CLUH: variants seen among roughly 807,000 people sequenced by gnomAD.
The protein encoded by CLUH is clustered mitochondria protein homolog.
A neutral mutation model predicts 139.3 loss-of-function variants in CLUH; 77 were observed. That is an observed-to-expected ratio of 0.55 (90% confidence interval 0.46 to 0.67). CLUH has a LOEUF of 0.67. Ranked by LOEUF, CLUH falls within the 30% of genes least tolerant of loss-of-function variation. The pLI, the probability that CLUH is intolerant of heterozygous loss-of-function variation, is 0.00. For synonymous variants in CLUH, 999 were observed against 801.6 expected, an observed-to-expected ratio of 1.25 and a Z score of -4.16; for missense variants, 1,876 against 1,875.8, an observed-to-expected ratio of 1.00 and a Z score of 0.00.
chr17:2,692,691 G>A lies in CLUH; in HGVS notation c.3318C>T (p.His1106=), dbSNP rs1029509804. The A allele has an allele frequency of 3.1e-6, 5 of 1,610,376 alleles. No individual in the cohort carries two copies. Among genetic ancestry groups the A allele is most frequent in the African/African-American group, 2.7e-5 (2 of 74,846 alleles). The stretch of plus-strand genomic sequence containing the variant: ...TGCTGGCGAAGCAGTACAGGGCCAG[G>A]TGCATCTGCGGGCGGGGCGGAGACA... ...EHPNTIQEYM[H]LALYCFASSQ... The change falls in exon 21 of 26, where the codon CAC becomes CAT. Residue 1106 remains histidine (H), a synonymous_variant. Transcript: ENST00000651024.
At chr17:2,702,530 G>T (rs1412906772) in intron 3 of CLUH, among the ~76,000 whole-genome samples, 1 of 152,210 alleles carries the variant, frequency 6.6e-6, no homozygotes, top group Non-Finnish European at 1.5e-5. Flanking sequence ...AGTTCTTTTG[G>T]TGGAGGGGAG....
chr17:2,690,531 T>G lies in CLUH; in HGVS notation c.*63A>C. 1 of 1,353,234 alleles carries G rather than the reference T, an allele frequency of 7.4e-7. No individual in the cohort carries two copies. The highest frequency in any genetic ancestry group is 9.6e-7 in the Non-Finnish European group (1 of 1,038,960). 83.8% of individuals were successfully genotyped at this position (1,353,234 alleles called of 1,614,324 possible). On this transcript the variant is annotated 3_prime_UTR_variant, in exon 26 of 26. Transcript: ENST00000651024. ...CTCTTCCGCCCGCAGGCTCGCCCCC[T>G]TCTCCCGCAGTCGGGCTCCCTGGTG... is the stretch of plus-strand genomic sequence containing the variant.
In CLUH at chr17:2,695,036, G is replaced by A. The variant is rs1425026839; in HGVS notation, c.2673C>T (p.Tyr891=). ...SHFLNCFLSS[Y]PNPVAHLPAD... is the part of the protein sequence containing the mutation. ...CGGGCAGGTGGGCCACGGGGTTTGG[G>A]TAGGAGCTCAGGAAGCAGTTCAGGA... Residue 891 remains tyrosine, a synonymous_variant, in exon 16 of 26, where the codon TAC becomes TAT. Transcript: ENST00000651024. 6.2e-7 allele frequency: 1 copy of A among 1,613,524 alleles called. No homozygotes were observed. Among genetic ancestry groups the A allele is most frequent in the South Asian group, 1.1e-5 (1 of 91,062 alleles).
Position 2,691,902 on chromosome 17 carries a change from G to T in CLUH, c.3655-7C>A. The stretch of plus-strand genomic sequence containing the variant: ...TCTCATGGTCCTCGCCCAGCTGCGG[G>T]GAGGCGGGAAGGGATCAGGCCCCCC... On this transcript the variant is annotated splice_polypyrimidine_tract_variant and splice_region_variant and intron_variant, in intron 23 of 25. Transcript: ENST00000651024. 1 of 1,525,486 alleles carries T rather than the reference G, an allele frequency of 6.6e-7. No individual in the cohort carries two copies. The allele number at this position is 1,525,486 out of a possible 1,614,324, so 94.5% of individuals were successfully genotyped here.
intron 17 of CLUH, 88 bp from the exon 18 acceptor site, chr17:2,694,364 C>G (rs755228514): frequency 6.6e-7 from 1 of 1,522,030 alleles, no homozygotes; most frequent in Non-Finnish European, 8.9e-7. Flanking sequence ...TGCGCACAGA[C>G]GGCTACCGTG....
rs757622640 is a variant in CLUH, at chr17:2,696,234, C to T, written c.2316G>A (p.Gln772=). Residue 772 remains glutamine, a synonymous_variant, in exon 13 of 26, where the codon CAG becomes CAA. Transcript: ENST00000651024. ...GCTGCTTCTGGTCCCGAACTTCATC[C>T]TGGCAGGACTCAGGGAAACGAACCC... ...SPGVRFPESC[Q]DEVRDQKQLL... The T allele has an allele frequency of 4.4e-6, 7 of 1,574,986 alleles. No individual in the cohort carries two copies.
rs575475578 is a variant in CLUH, at chr17:2,707,832, C to T, written c.101-3268G>A. On this transcript the variant is annotated intron_variant, in intron 1 of 25. Coordinates refer to ENST00000651024, the MANE Select transcript of CLUH (RefSeq NM_001366661.1). The surrounding 1 kb of genome is among the most constrained non-coding windows in gnomAD (Gnocchi z 7.4). The stretch of plus-strand genomic sequence containing the variant: ...GGCTGGGACCTCTGGCTCCTGCTGC[C>T]CCCTGCAGGTGACCTGGCTGCCAGC... 9.1e-6 allele frequency: 9 copies of T among 985,470 alleles called. No individual in the cohort carries two copies. The highest frequency in any genetic ancestry group is 7.0e-5 in the African/African-American group (4 of 57,378). The allele number at this position is 985,470 out of a possible 1,614,324, so 61.0% of individuals were successfully genotyped here. A position where few individuals can be genotyped will look rare whatever the true frequency, so the allele number is the denominator to read the frequency against.
At chr17:2,691,253 C>T (rs951149066) in intron 25 of CLUH, among the ~76,000 whole-genome samples, 1 of 152,156 alleles carries the variant, frequency 6.6e-6, no homozygotes, top group African/African-American at 2.4e-5. Flanking sequence ...TCGCGGAATG[C>T]GAGGATGCTG....
chr17:2,710,643 G>A (rs1216289658), intron 1 of CLUH, among the ~76,000 whole-genome samples: 2 of 152,106 alleles, frequency 1.3e-5, no homozygotes, highest in African/African-American at 2.4e-5. Context: ...CCCAAGGCTG[G>A]AGTCTGAGAC....
intron 1 of CLUH, chr17:2,708,066 G>A (rs563066729): frequency 4.3e-6 from 4 of 934,132 alleles, no homozygotes; most frequent in East Asian, 1.2e-4. Flanking sequence ...GCCAGTGGCC[G>A]CACGGCGGGG....
At chr17:2,710,882 C>A (rs2070494736) in intron 1 of CLUH, among the ~76,000 whole-genome samples, 1 of 152,254 alleles carries the variant, frequency 6.6e-6, no homozygotes, top group Non-Finnish European at 1.5e-5. Context: ...CAAACACTTC[C>A]CCCTGCCAAG....
At chr17:2,701,778 G>A (rs766028450) in intron 4 of CLUH, 41 bp from the exon 5 acceptor site, 1 of 1,556,002 alleles carries the variant, frequency 6.4e-7, no homozygotes, top group East Asian at 2.3e-5. Flanking sequence ...GGGCCACCCA[G>A]GGCCAGCTGT....
At chr17:2,697,804 T>C in intron 10 of CLUH, 92 bp downstream of exon 10, 1 of 1,207,668 alleles carries the variant, frequency 8.3e-7, no homozygotes, top group Non-Finnish European at 1.1e-6. Flanking sequence ...CTCCAGCGCT[T>C]CTCCCTTCAA....
chr17:2,694,076 GGCCA>G, intron 18 of CLUH, 37 bp from the exon 19 acceptor site: 1 of 1,613,842 alleles, frequency 6.2e-7, no homozygotes, highest in Non-Finnish European at 8.5e-7. Context: ...GGTCAGGACG[GGCCA>G]TGGGGAACCC....
At chr17:2,709,062 G>C (rs1261175345) in intron 1 of CLUH, among the ~76,000 whole-genome samples, 1 of 152,234 alleles carries the variant, frequency 6.6e-6, no homozygotes, top group Non-Finnish European at 1.5e-5. Context: ...TGCTAGTGAA[G>C]AGACAAAGCA....
In CLUH at chr17:2,695,090, G is replaced by C; in HGVS notation, c.2619C>G (p.Leu873=). 1 of 1,612,228 alleles carries C rather than the reference G, an allele frequency of 6.2e-7. No individual in the cohort carries two copies. The highest frequency in any genetic ancestry group is 8.5e-7 in the Non-Finnish European group (1 of 1,179,088). The change falls in exon 16 of 26, where the codon CTC becomes CTG. Residue 873 remains leucine, a synonymous_variant. Transcript: ENST00000651024. The part of the protein sequence containing the change: ...IFKTYLQGVE[L]SGLSAAISHF... ...GGCTGATGGCGGCTGAGAGGCCGGA[G>C]AGCTCGACTCCCTGCGAGGCAGGTT...
In CLUH at chr17:2,692,634, G is replaced by A. The variant is rs995435238; in HGVS notation, c.3375C>T (p.Tyr1125=). Residue 1125 remains tyrosine, a synonymous_variant, in exon 21 of 26, where the codon TAC becomes TAT. Coordinates refer to ENST00000651024, the MANE Select transcript of CLUH (RefSeq NM_001366661.1). ...SQLSTALSLL[Y]RARYLMLLVF... ...CCAGCAGCATGAGGTAGCGGGCGCG[G>A]TACAGCAGGCTCAGGGCGGTGGACA... The A allele has an allele frequency of 6.2e-7, 1 of 1,612,866 alleles. No individual in the cohort carries two copies.
chr17:2,690,414 C>A lies in CLUH; in HGVS notation c.*180G>T. On this transcript the variant is annotated 3_prime_UTR_variant, in exon 26 of 26. Transcript: ENST00000651024. ...GCATCATCTATTCATTGAACCAGCG[C>A]AAAAACACCTTCTGCGGGGCAGGCA... is the stretch of plus-strand genomic sequence containing the variant. 1 of 480,584 alleles carries A rather than the reference C, an allele frequency of 2.1e-6. No individual in the cohort carries two copies. The highest frequency in any genetic ancestry group is 3.5e-6 in the Non-Finnish European group (1 of 283,588). 29.8% of individuals were successfully genotyped at this position (480,584 alleles called of 1,614,324 possible).
chr17:2,702,835 T>G lies in CLUH; in HGVS notation c.475+483A>C, dbSNP rs533304990. ...CGGCTCTGTTCTTTTGTTTTGTTTT[T>G]TTTTTTGAGACGGAGTTTCGTTCTT... On this transcript the variant is annotated intron_variant, in intron 3 of 25. Transcript: ENST00000651024. 1.6e-4 allele frequency among the ~76,000 whole-genome samples: 25 copies of G among 152,224 alleles called. No homozygotes were observed. The East Asian group carries it at 3.3e-3, about 20-fold the overall frequency.
Sources: allele counts gnomAD v4.1 joint callset (sites outside exome capture counted in the v4.1 genomes callset), GRCh38; gene constraint gnomAD v4.1.1; non-coding constraint Gnocchi (gnomAD v3.1); transcripts MANE v1.5; gene names NCBI Gene and HGNC (gene_info 2026-07-23, HGNC 2026-07-21).